Variants in TAB2 observed in about 807,000 individuals in gnomAD.
TAB2 encodes TGF-beta-activated kinase 1 and MAP3K7-binding protein 2.
TAB2 carries 3 observed loss-of-function variants against 65.0 expected under a neutral mutation model. That is an observed-to-expected ratio of 0.05 (90% CI 0.02 to 0.12). The LOEUF is 0.12. Among genes scored for constraint, TAB2 ranks in the 10% least tolerant of loss-of-function variants. The pLI is 1.00. For missense variants in TAB2, 623 were observed against 840.3 expected (o/e 0.74, Z 3.20); for synonymous variants, 298 against 285.1 (o/e 1.05, Z -0.46).
At chr6:149,396,739 G>C (rs1484946176) in intron 3 of TAB2, among the ~76,000 whole-genome samples, 1 of 152,108 alleles carries the variant, frequency 6.6e-6, no homozygotes, top group African/African-American at 2.4e-5. Context: ...TAAAGATCTT[G>C]GAAGATATTT....
intron 1 of TAB2, among the ~76,000 whole-genome samples, chr6:149,357,595 A>C (rs891884786): frequency 1.3e-5 from 2 of 152,188 alleles, no homozygotes; most frequent in Non-Finnish European, 2.9e-5. Flanking sequence ...ACATCTGTCC[A>C]TGTCAGTACA....
At chr6:149,237,219 T>A (rs1777511186) in intron 1 of TAB2, among the ~76,000 whole-genome samples, 1 of 152,242 alleles carries the variant, frequency 6.6e-6, no homozygotes, top group Non-Finnish European at 1.5e-5. Context: ...AGCTTCCTTT[T>A]GTTTCTTTGA....
At chr6:149,364,165 A>G (rs996755809) in intron 1 of TAB2, among the ~76,000 whole-genome samples, 1 of 151,990 alleles carries the variant, frequency 6.6e-6, no homozygotes, top group Admixed American at 6.6e-5. Context: ...CTTCTCATAT[A>G]TTCTTTTACC....
intron 1 of TAB2, among the ~76,000 whole-genome samples, chr6:149,263,603 C>T (rs1583054092): frequency 6.6e-6 from 1 of 152,218 alleles, no homozygotes; most frequent in East Asian, 1.9e-4. Flanking sequence ...AAGATGTCAA[C>T]ATATGGAGAT....
intron 1 of TAB2, among the ~76,000 whole-genome samples, chr6:149,262,924 C>A (rs1778185320): frequency 6.6e-6 from 1 of 152,096 alleles, no homozygotes; most frequent in Admixed American, 6.5e-5. Flanking sequence ...CCACCTCAGC[C>A]TCTCAAATAG....
At chr6:149,327,231 T>C (rs1383614841) in intron 1 of TAB2, among the ~76,000 whole-genome samples, 21 of 152,362 alleles carry the variant, frequency 1.4e-4, no homozygotes, top group Admixed American at 1.1e-3. Flanking sequence ...TTATAAAATA[T>C]AGGCAAGATG....
At chr6:149,335,059 A>G (rs1446220862) in intron 1 of TAB2, among the ~76,000 whole-genome samples, 4 of 150,634 alleles carry the variant, frequency 2.7e-5, no homozygotes, top group Non-Finnish European at 4.4e-5. Context: ...ACTGAATTCC[A>G]TTGCTATTAG....
chr6:149,265,334 T>G (rs529681650), intron 1 of TAB2, among the ~76,000 whole-genome samples: 4 of 152,304 alleles, frequency 2.6e-5, no homozygotes, highest in Admixed American at 2.6e-4. Context: ...AGGTTAAGGA[T>G]ATTTCCATAA....
At chr6:149,248,689 C>A (rs1029786155) in intron 1 of TAB2, among the ~76,000 whole-genome samples, 1 of 152,136 alleles carries the variant, frequency 6.6e-6, no homozygotes, top group African/African-American at 2.4e-5. Context: ...TGGAAAATAA[C>A]GTCAGCAAGA....
chr6:149,285,564 A>T (rs1297495152), intron 1 of TAB2, among the ~76,000 whole-genome samples: 1 of 152,218 alleles, frequency 6.6e-6, no homozygotes. Flanking sequence ...AAAGAGGGAG[A>T]TGGTTCTGAA....
At position 149,324,280 on chromosome 6, in the gene TAB2, C is replaced by T. The variant is rs147273232; in HGVS notation, c.-90+6265C>T. The stretch of plus-strand genomic sequence containing the variant: ...GATTTTGGTAGAAATGTGTGAATGC[C>T]GATTGTTAATAATAGACTTGTTTAA... On this transcript the variant is annotated intron_variant, in intron 1 of 6. Coordinates refer to ENST00000637181, the MANE Select transcript of TAB2 (RefSeq NM_001292034.3). Among the ~76,000 whole-genome samples, 13 of 151,838 alleles carry T rather than the reference C, an allele frequency of 8.6e-5. No individual in the cohort carries two copies. In the East Asian group the frequency reaches 2.1e-3, roughly 25 times the overall value.
At chr6:149,281,655 A>G (rs1249304613) in intron 1 of TAB2, among the ~76,000 whole-genome samples, 1 of 151,934 alleles carries the variant, frequency 6.6e-6, no homozygotes, top group Non-Finnish European at 1.5e-5. Flanking sequence ...AATAGAAAAC[A>G]AACTGCAAGG....
At chr6:149,390,509 A>C (rs534436565) in intron 3 of TAB2, among the ~76,000 whole-genome samples, 34 of 152,354 alleles carry the variant, frequency 2.2e-4, no homozygotes, top group Non-Finnish European at 4.4e-4. Flanking sequence ...AAAATAACTA[A>C]AATTAATAAA....
intron 5 of TAB2, among the ~76,000 whole-genome samples, chr6:149,398,601 A>G (rs1392804944): frequency 6.6e-6 from 1 of 152,160 alleles, no homozygotes; most frequent in East Asian, 1.9e-4. Flanking sequence ...TTAAACATTC[A>G]TAGAAAAATA....
At chr6:149,322,842 C>A (rs1488331409) in intron 1 of TAB2, among the ~76,000 whole-genome samples, 1 of 152,060 alleles carries the variant, frequency 6.6e-6, no homozygotes, top group African/African-American at 2.4e-5. Context: ...TTCAAAGAAT[C>A]TTTTATACAA....
intron 1 of TAB2, among the ~76,000 whole-genome samples, chr6:149,285,440 A>G (rs1245238783): frequency 1.3e-5 from 2 of 152,200 alleles, no homozygotes; most frequent in African/African-American, 4.8e-5. Flanking sequence ...GACTAAGGCC[A>G]TCCTCTACAA....
intron 1 of TAB2, among the ~76,000 whole-genome samples, chr6:149,361,472 C>T (rs1354160244): frequency 6.6e-6 from 1 of 152,198 alleles, no homozygotes. Context: ...CTGAGCTGTG[C>T]AGGGCTGGGC....
intron 1 of TAB2, among the ~76,000 whole-genome samples, chr6:149,345,889 A>T (rs1300222195): frequency 6.6e-6 from 1 of 152,150 alleles, no homozygotes; most frequent in East Asian, 1.9e-4. Flanking sequence ...ATATTTGTCC[A>T]TATAATTATT....
At chr6:149,336,351 C>T (rs1779935399) in intron 1 of TAB2, among the ~76,000 whole-genome samples, 1 of 152,118 alleles carries the variant, frequency 6.6e-6, no homozygotes, top group Non-Finnish European at 1.5e-5. Flanking sequence ...CTTAGTGGAA[C>T]TTTTGGCTTA....
Sources: allele counts gnomAD v4.1 joint callset (sites outside exome capture counted in the v4.1 genomes callset), GRCh38; gene constraint gnomAD v4.1.1; transcripts MANE v1.5; gene names NCBI Gene and HGNC (gene_info 2026-07-23, HGNC 2026-07-21).